The following DPYD variants were observed in gnomAD, a reference collection of about 807,000 sequenced individuals.
DPYD encodes dihydropyrimidine dehydrogenase [NADP(+)].
A neutral mutation model predicts 116.2 loss-of-function variants in DPYD; 109 were observed. That is an observed-to-expected ratio of 0.94 (90% CI 0.80 to 1.10). The LOEUF (loss-of-function observed/expected upper bound fraction) is 1.10, where lower values mean the gene tolerates loss of function less well. Among genes scored for constraint, DPYD ranks in the 50% least tolerant of loss-of-function variants. DPYD has a pLI of 0.00. For missense variants in DPYD, 1,302 were observed against 1,254.5 expected, an observed-to-expected ratio of 1.04 and a Z score of -0.57; for synonymous variants, 440 against 432.0, an observed-to-expected ratio of 1.02 and a Z score of -0.23.
intron 19 of DPYD, among the ~76,000 whole-genome samples, chr1:97,220,394 T>C (rs1228916050): frequency 6.6e-6 from 1 of 152,174 alleles, no homozygotes; most frequent in East Asian, 1.9e-4. Context: ...TCAGCATCCA[T>C]AACTGTAAGA....
intron 21 of DPYD, among the ~76,000 whole-genome samples, chr1:97,097,523 GTGA>G (rs1183596621): frequency 6.6e-6 from 1 of 152,138 alleles, no homozygotes; most frequent in Non-Finnish European, 1.5e-5. Flanking sequence ...CTACATTTTA[GTGA>G]TGATGATTTC....
At chr1:97,708,866 A>G (rs1377325482) in intron 5 of DPYD, among the ~76,000 whole-genome samples, 2 of 151,880 alleles carry the variant, frequency 1.3e-5, no homozygotes, top group Admixed American at 6.6e-5. Flanking sequence ...CATTAGATTT[A>G]TATCTAAGTA....
chr1:97,622,064 A>T (rs1440783874), intron 8 of DPYD, among the ~76,000 whole-genome samples: 1 of 152,128 alleles, frequency 6.6e-6, no homozygotes, highest in Non-Finnish European at 1.5e-5. Context: ...TGAATCCCAA[A>T]TGATTTATGT....
Position 97,882,097 on chromosome 1 carries a change from C to T in DPYD, c.150+1167G>A, listed in dbSNP as rs189478035. On this transcript the variant is annotated intron_variant, in intron 2 of 22. Transcript: ENST00000370192. ...TTCAATTGCTCTTATCATTAAACTG[C>T]GTCATGGCTTGTAAGTGGCCTATTC... Among the ~76,000 whole-genome samples the T allele has an allele frequency of 1.0e-3, 158 of 151,846 alleles. 1 individual carries two copies. Among genetic ancestry groups the T allele is most frequent in the Middle Eastern group, 6.8e-3 (2 of 294 alleles).
intron 3 of DPYD, among the ~76,000 whole-genome samples, chr1:97,800,792 C>G: frequency 6.6e-6 from 1 of 151,972 alleles, no homozygotes; most frequent in African/African-American, 2.4e-5. Context: ...AACTAGATTC[C>G]ATCTCCTTCC....
chr1:97,872,505 C>T (rs1386790175), intron 2 of DPYD, among the ~76,000 whole-genome samples: 2 of 151,830 alleles, frequency 1.3e-5, no homozygotes, highest in Admixed American at 6.6e-5. Context: ...TTTGTAACAG[C>T]CTCAGGAAAT....
chr1:97,777,140 A>C (rs1666453141), intron 3 of DPYD, among the ~76,000 whole-genome samples: 1 of 152,156 alleles, frequency 6.6e-6, no homozygotes. Flanking sequence ...TTCATTATTT[A>C]CTACCTAACA....
intron 8 of DPYD, among the ~76,000 whole-genome samples, chr1:97,606,168 C>T (rs762617454): frequency 3.3e-5 from 5 of 151,952 alleles, no homozygotes; most frequent in Non-Finnish European, 7.4e-5. Flanking sequence ...AATACAAATC[C>T]TAGGTATTAA....
chr1:97,754,168 C>T (rs932419228), intron 3 of DPYD, among the ~76,000 whole-genome samples: 1 of 152,000 alleles, frequency 6.6e-6, no homozygotes, highest in Non-Finnish European at 1.5e-5. Flanking sequence ...TAATTCATAT[C>T]ATAAGGTAGA....
intron 14 of DPYD, among the ~76,000 whole-genome samples, chr1:97,446,089 C>T (rs1197062855): frequency 6.6e-6 from 1 of 152,110 alleles, no homozygotes; most frequent in African/African-American, 2.4e-5. Context: ...TGATATCTGT[C>T]ACTTTGGACC....
intron 21 of DPYD, among the ~76,000 whole-genome samples, chr1:97,091,969 C>T (rs1426604471): frequency 6.6e-6 from 1 of 152,138 alleles, no homozygotes; most frequent in Non-Finnish European, 1.5e-5. Context: ...AGGGTCTTTG[C>T]ACTTTCTGTT....
chr1:97,753,372 G>A (rs1356535400), intron 3 of DPYD, among the ~76,000 whole-genome samples: 2 of 152,138 alleles, frequency 1.3e-5, no homozygotes, highest in Non-Finnish European at 2.9e-5. Flanking sequence ...CATTTCCTCA[G>A]AACAGAGTAT....
intron 2 of DPYD, chr1:97,856,340 G>A (rs1670844720): frequency 6.6e-6 from 1 of 152,110 alleles, no homozygotes; most frequent in African/African-American, 2.4e-5. Context: ...ATCTTCCCAA[G>A]GGAGGTGAAA....
chr1:97,886,272 A>C (rs1354784904), intron 1 of DPYD, among the ~76,000 whole-genome samples: 1 of 152,066 alleles, frequency 6.6e-6, no homozygotes, highest in African/African-American at 2.4e-5. Flanking sequence ...GGTATCTCCC[A>C]GAGAGGGGTA....
chr1:97,446,736 T>TA (rs1218614626), intron 14 of DPYD, among the ~76,000 whole-genome samples: 10 of 151,984 alleles, frequency 6.6e-5, no homozygotes, highest in Middle Eastern at 3.2e-3. Flanking sequence ...TATTTTTTGT[T>TA]AAAAAAAATT....
chr1:97,623,214 G>T (rs924799200), intron 8 of DPYD, among the ~76,000 whole-genome samples: 5 of 152,058 alleles, frequency 3.3e-5, no homozygotes, highest in African/African-American at 1.2e-4. Flanking sequence ...TAAGAATTAG[G>T]TGCAAACTGA....
Position 97,674,243 on chromosome 1 carries a change from C to G in DPYD, c.850+4852G>C, listed in dbSNP as rs536679432. 2.6e-5 allele frequency among the ~76,000 whole-genome samples: 4 copies of G among 152,292 alleles called. No homozygotes were observed. The East Asian group carries it at 7.7e-4, about 29-fold the overall frequency. The stretch of plus-strand genomic sequence containing the variant: ...CTTTTGGGTGGACACAAGTAAAGCA[C>G]TTGGTGTTGAAAAAGACTATTCATC... On this transcript the variant is annotated intron_variant, in intron 8 of 22. Coordinates refer to ENST00000370192, the MANE Select transcript of DPYD (RefSeq NM_000110.4).
At chr1:97,740,309 C>G in intron 4 of DPYD, 83 bp downstream of exon 4, 1 of 1,172,042 alleles carries the variant, frequency 8.5e-7, no homozygotes, top group Non-Finnish European at 1.3e-6. Context: ...TTTGCTAAGA[C>G]AAGCTGTATT....
chr1:97,164,734 C>T (rs1001783401), intron 20 of DPYD, among the ~76,000 whole-genome samples: 1 of 152,050 alleles, frequency 6.6e-6, no homozygotes, highest in Admixed American at 6.6e-5. Flanking sequence ...TGAAAGATCG[C>T]TACAATGAGG....
Sources: allele counts gnomAD v4.1 joint callset (sites outside exome capture counted in the v4.1 genomes callset), GRCh38; gene constraint gnomAD v4.1.1; transcripts MANE v1.5; gene names NCBI Gene and HGNC (gene_info 2026-07-23, HGNC 2026-07-21).